Variants in SPEM2 observed in about 807,000 individuals in gnomAD.
SPEM2 encodes the protein SPEM family member 2, also known as uncharacterized protein SPEM2.
A neutral mutation model predicts 9.3 loss-of-function variants in SPEM2; 15 were observed. The ratio of observed to expected loss-of-function variants is 1.62; its 90% confidence interval spans 1.08 to 2.50. SPEM2 has a LOEUF of 2.50. Ranked by LOEUF, SPEM2 falls within the 30% of genes most tolerant of loss-of-function variation. SPEM2 has a pLI of 0.00. For missense variants in SPEM2, 678 were observed against 690.0 expected (o/e 0.98, Z 0.19); for synonymous variants, 268 against 272.4 (o/e 0.98, Z 0.16).
chr17:7,426,962 C>G lies in SPEM2; in HGVS notation c.971C>G (p.Pro324Arg), dbSNP rs751726895. The G allele has an allele frequency of 1.2e-6, 2 of 1,612,154 alleles. No individual in the cohort carries two copies. Among genetic ancestry groups the G allele is most frequent in the Non-Finnish European group, 8.5e-7 (1 of 1,179,842 alleles). Residue 324 changes from proline to arginine, a missense_variant, in exon 3 of 3, where the codon CCC (proline) becomes CGC (arginine). Physicochemically the swap from Pro to Arg is moderately radical, Grantham distance 103 (BLOSUM62 -2). Transcript: ENST00000333870. The surrounding 1 kb of genome is among the most constrained non-coding windows in gnomAD (Gnocchi z 5.3). ...CGTGGCACGGAGGGCTTTGAGCGCCCCCCTGCCTCGGTGTCCCGGAACGCC... is the reference window on the plus strand; with the variant it reads ...CGTGGCACGGAGGGCTTTGAGCGCCGCCCTGCCTCGGTGTCCCGGAACGCC... ...RRRGTEGFER[P>R]PASVSRNARP...
rs753658255 is a variant in SPEM2, at chr17:7,426,092, C to T, written c.196+42C>T. ...GAGAGGTAGGGGACCCCCATCCCCACCCCTGACAATGGCCCTAGAAACCCA... is the reference window on the plus strand; with the variant it reads ...GAGAGGTAGGGGACCCCCATCCCCATCCCTGACAATGGCCCTAGAAACCCA... On this transcript the variant is annotated intron_variant, in intron 2 of 2. Coordinates refer to ENST00000333870, the MANE Select transcript of SPEM2 (RefSeq NM_175734.5). This position sits in a 1 kb window ranked among gnomAD's most constrained non-coding sequence, Gnocchi z 5.3. 2 of 1,613,574 alleles carry T rather than the reference C, an allele frequency of 1.2e-6. No individual in the cohort carries two copies. Among genetic ancestry groups the T allele is most frequent in the Non-Finnish European group, 1.7e-6 (2 of 1,179,506 alleles).
Position 7,427,044 on chromosome 17 carries a change from C to A in SPEM2, c.1053C>A (p.Ser351Arg). ...EHHSPQSHQQ[S>R]LLGHAYGQSH... ...ACTCCCCACAGTCCCACCAGCAGAG[C>A]CTGCTTGGTCACGCCTATGGCCAGT... The change falls in exon 3 of 3, where the codon AGC (serine) becomes AGA (arginine). Residue 351 changes from serine (S) to arginine (R), a missense_variant. Physicochemically the swap from Ser to Arg is moderately radical, Grantham distance 110 (BLOSUM62 -1). Transcript: ENST00000333870. This position sits in a 1 kb window ranked among gnomAD's most constrained non-coding sequence, Gnocchi z 5.4. 1 of 1,612,398 alleles carries A rather than the reference C, an allele frequency of 6.2e-7. No individual in the cohort carries two copies. Among genetic ancestry groups the A allele is most frequent in the Non-Finnish European group, 8.5e-7 (1 of 1,179,918 alleles).
chr17:7,426,316 T>C lies in SPEM2; in HGVS notation c.325T>C (p.Cys109Arg), dbSNP rs1907594858. 5.6e-6 allele frequency: 9 copies of C among 1,614,074 alleles called. No homozygotes were observed. The East Asian group carries it at 2.0e-4, about 36-fold the overall frequency. ...SRPTQYSSFS[C>R]HHFSNHHSSS... Reference sequence around the variant, plus strand: ...ACCCACGCAGTACTCCTCTTTCTCCTGCCACCATTTCTCCAACCATCACAG... The same window carrying C: ...ACCCACGCAGTACTCCTCTTTCTCCCGCCACCATTTCTCCAACCATCACAG... Residue 109 changes from cysteine (C) to arginine (R), a missense_variant, in exon 3 of 3, where the codon TGC (cysteine) becomes CGC (arginine). By Grantham distance (180) the Cys-to-Arg change is radical (BLOSUM62 -3). Transcript: ENST00000333870. The surrounding 1 kb of genome is among the most constrained non-coding windows in gnomAD (Gnocchi z 5.3).
At position 7,426,764 on chromosome 17, in the gene SPEM2, A is replaced by G. The variant is rs769334434; in HGVS notation, c.773A>G (p.Tyr258Cys). ...AGGTCTGAGCTGAGGCTGCAGTCCT[A>G]TGGGCGCCACGGTTCCCAATCCCGA... is the stretch of plus-strand genomic sequence containing the variant. ...EARSELRLQS[Y>C]GRHGSQSRLW... is the part of the protein sequence containing the mutation. The change falls in exon 3 of 3, where the codon TAT becomes TGT. Residue 258 changes from tyrosine to cysteine, a missense_variant. Physicochemically the swap from Tyr to Cys is radical, Grantham distance 194. Transcript: ENST00000333870. This position sits in a 1 kb window ranked among gnomAD's most constrained non-coding sequence, Gnocchi z 5.3. 17 of 1,604,656 alleles carry G rather than the reference A, an allele frequency of 1.1e-5. No individual in the cohort carries two copies. Among genetic ancestry groups the G allele is most frequent in the Middle Eastern group, 1.7e-4 (1 of 6,032 alleles).
chr17:7,426,586 CCA>C lies in SPEM2; in HGVS notation c.597_598del (p.Arg200SerfsTer39), dbSNP rs745848075. 2.2e-5 allele frequency: 36 copies of C among 1,614,036 alleles called. No individual in the cohort carries two copies. In the East Asian group the frequency reaches 7.8e-4, roughly 35 times the overall value. On this transcript the variant is annotated frameshift_variant, in exon 3 of 3. Coordinates refer to ENST00000333870, the MANE Select transcript of SPEM2 (RefSeq NM_175734.5). LOFTEE classifies it low-confidence loss of function (END_TRUNC). This position sits in a 1 kb window ranked among gnomAD's most constrained non-coding sequence, Gnocchi z 5.3. The part of the protein sequence containing the change: ...DNLPFPYPKY[P>X]RRGWGGFYQR... ...CCTGCCCTTCCCGTATCCCAAGTACCCACGTCGCGGCTGGGGCGGGTTTTATC... is the reference window on the plus strand; with the variant it reads ...CCTGCCCTTCCCGTATCCCAAGTACCCGTCGCGGCTGGGGCGGGTTTTATC...
Position 7,426,697 on chromosome 17 carries a change from C to T in SPEM2, c.706C>T (p.Leu236=). The T allele has an allele frequency of 6.2e-7, 1 of 1,614,008 alleles. No individual in the cohort carries two copies. Among genetic ancestry groups the T allele is most frequent in the Non-Finnish European group, 8.5e-7 (1 of 1,179,990 alleles). ...CAGTCTGCCACCACCCTCTCTCTAC[C>T]TGTCACCTGAGCTGCGCTGCATGCC... ...LASLPPPSLY[L]SPELRCMPKR... Residue 236 remains leucine (L), a synonymous_variant, in exon 3 of 3, where the codon CTG becomes TTG. Coordinates refer to ENST00000333870, the MANE Select transcript of SPEM2 (RefSeq NM_175734.5). The surrounding 1 kb of genome is among the most constrained non-coding windows in gnomAD (Gnocchi z 5.3).
At position 7,426,413 on chromosome 17, in the gene SPEM2, A is replaced by G; in HGVS notation, c.422A>G (p.His141Arg). The G allele has an allele frequency of 1.2e-6, 2 of 1,613,430 alleles. No individual in the cohort carries two copies. The highest frequency in any genetic ancestry group is 2.2e-5 in the South Asian group (2 of 91,068). The change falls in exon 3 of 3, where the codon CAC becomes CGC. Residue 141 changes from histidine (H) to arginine (R), a missense_variant. By Grantham distance (29) the His-to-Arg change is conservative. Coordinates refer to ENST00000333870, the MANE Select transcript of SPEM2 (RefSeq NM_175734.5). This position sits in a 1 kb window ranked among gnomAD's most constrained non-coding sequence, Gnocchi z 5.3. ...CGTTGTCGCCGTCGCTGCTGCAACC[A>G]CCAGCAGCGGCCGCAGAACTACAGA... ...HRRCRRRCCN[H>R]QQRPQNYRQI...
Position 7,427,168 on chromosome 17 carries a change from C to G in SPEM2, c.1177C>G (p.Pro393Ala). The change falls in exon 3 of 3, where the codon CCC becomes GCC. Residue 393 changes from proline to alanine, a missense_variant. Coordinates refer to ENST00000333870, the MANE Select transcript of SPEM2 (RefSeq NM_175734.5). This position sits in a 1 kb window ranked among gnomAD's most constrained non-coding sequence, Gnocchi z 5.4. ...RRAADWAEAL[P>A]AWRPLTTSAS... ...GGCAGCTGACTGGGCTGAGGCTCTG[C>G]CCGCCTGGCGTCCTCTGACTACCTC... 1 of 1,613,940 alleles carries G rather than the reference C, an allele frequency of 6.2e-7. No individual in the cohort carries two copies. The highest frequency in any genetic ancestry group is 1.3e-5 in the African/African-American group (1 of 75,058).
rs2150824966 is a variant in SPEM2 at position 7,426,674 on chromosome 17, G to C, written c.683G>C (p.Ser228Thr). The stretch of plus-strand genomic sequence containing the variant: ...GGCCACCAGGGTGGTATCCTGGCCA[G>C]TCTGCCACCACCCTCTCTCTACCTG... ...LWGHQGGILA[S>T]LPPPSLYLSP... is the part of the protein sequence containing the mutation. The change falls in exon 3 of 3, where the codon AGT (serine) becomes ACT (threonine). Residue 228 changes from serine to threonine, a missense_variant. By Grantham distance (58) the Ser-to-Thr change is moderately conservative. Coordinates refer to ENST00000333870, the MANE Select transcript of SPEM2 (RefSeq NM_175734.5). This position sits in a 1 kb window ranked among gnomAD's most constrained non-coding sequence, Gnocchi z 5.3. 1 of 1,614,022 alleles carries C rather than the reference G, an allele frequency of 6.2e-7. No individual in the cohort carries two copies. Among genetic ancestry groups the C allele is most frequent in the East Asian group, 2.2e-5 (1 of 44,876 alleles).
In SPEM2 at chr17:7,426,079, A is replaced by G; in HGVS notation, c.196+29A>G. Reference sequence around the variant, plus strand: ...AGTGTGGCTGCTGGAGAGGTAGGGGACCCCCATCCCCACCCCTGACAATGG... The same window carrying G: ...AGTGTGGCTGCTGGAGAGGTAGGGGGCCCCCATCCCCACCCCTGACAATGG... On this transcript the variant is annotated intron_variant, in intron 2 of 2. Coordinates refer to ENST00000333870, the MANE Select transcript of SPEM2 (RefSeq NM_175734.5). The surrounding 1 kb of genome is among the most constrained non-coding windows in gnomAD (Gnocchi z 5.3). 6.2e-7 allele frequency: 1 copy of G among 1,613,432 alleles called. No individual in the cohort carries two copies. The highest frequency in any genetic ancestry group is 8.5e-7 in the Non-Finnish European group (1 of 1,179,794).
At position 7,426,037 on chromosome 17, in the gene SPEM2, G is replaced by A. The variant is rs1303625945; in HGVS notation, c.183G>A (p.Trp61Ter). ...ACGCCTTAGACAAGATGATTGATTGGGCTACTCAGAAAAGTAAGTGTGGCT... is the reference window on the plus strand; with the variant it reads ...ACGCCTTAGACAAGATGATTGATTGAGCTACTCAGAAAAGTAAGTGTGGCT... ...LQNALDKMIDWATQKNEIQAS... is the reference protein window; with the variant it reads ...LQNALDKMID Residue 61 changes from tryptophan to a stop codon, truncating the protein, a stop_gained, in exon 2 of 3, where the codon TGG becomes TGA. Transcript: ENST00000333870. LOFTEE classifies it low-confidence loss of function (END_TRUNC). This position sits in a 1 kb window ranked among gnomAD's most constrained non-coding sequence, Gnocchi z 5.3. 6.2e-7 allele frequency: 1 copy of A among 1,614,002 alleles called. No individual in the cohort carries two copies. Among genetic ancestry groups the A allele is most frequent in the Non-Finnish European group, 8.5e-7 (1 of 1,180,022 alleles).
Position 7,427,534 on chromosome 17 carries a change from A to T in SPEM2, c.*37A>T, listed in dbSNP as rs772879035. The T allele has an allele frequency of 6.5e-7, 1 of 1,530,200 alleles. No individual in the cohort carries two copies. Among genetic ancestry groups the T allele is most frequent in the Non-Finnish European group, 8.8e-7 (1 of 1,139,376 alleles). 94.8% of individuals were successfully genotyped at this position (1,530,200 alleles called of 1,614,324 possible). A position where few individuals can be genotyped will look rare whatever the true frequency, so the allele number is the denominator to read the frequency against. ...ATGTGGGGTGTGGGGCAGGGCATGG[A>T]GGGAGAGGAATAAAGAGAAACAGAG... is the stretch of plus-strand genomic sequence containing the variant. On this transcript the variant is annotated 3_prime_UTR_variant, in exon 3 of 3. Transcript: ENST00000333870. The surrounding 1 kb of genome is among the most constrained non-coding windows in gnomAD (Gnocchi z 5.4).
At position 7,426,919 on chromosome 17, in the gene SPEM2, T is replaced by C. The variant is rs1252860506; in HGVS notation, c.928T>C (p.Ser310Pro). The C allele has an allele frequency of 6.2e-7, 1 of 1,613,320 alleles. No individual in the cohort carries two copies. Among genetic ancestry groups the C allele is most frequent in the African/African-American group, 1.3e-5 (1 of 75,042 alleles). The change falls in exon 3 of 3, where the codon TCC (serine) becomes CCC (proline). Residue 310 changes from serine (S) to proline (P), a missense_variant. Physicochemically the swap from Ser to Pro is moderately conservative, Grantham distance 74. Coordinates refer to ENST00000333870, the MANE Select transcript of SPEM2 (RefSeq NM_175734.5). This position sits in a 1 kb window ranked among gnomAD's most constrained non-coding sequence, Gnocchi z 5.3. ...CTCAGTGGGCTGGATGCTGTATGAC[T>C]CCTGGGATCAGCGGCGTCGTGGCAC... The part of the protein sequence containing the change: ...YPSVGWMLYD[S>P]WDQRRRGTEG...
rs752521917 is a variant in SPEM2, at chr17:7,426,841, C to T, written c.850C>T (p.His284Tyr). ...GTGGGCCTCGTCTCCACCACCTCCC[C>T]ACCGGCTGCCCCCTAACCCCTCTTG... ...EQWASSPPPPHRLPPNPSWVP... is the reference protein window; with the variant it reads ...EQWASSPPPPYRLPPNPSWVP... Residue 284 changes from histidine (H) to tyrosine (Y), a missense_variant, in exon 3 of 3, where the codon CAC (histidine) becomes TAC (tyrosine). His to Tyr is a moderately conservative substitution (Grantham distance 83). Transcript: ENST00000333870. The surrounding 1 kb of genome is among the most constrained non-coding windows in gnomAD (Gnocchi z 5.3). 2 of 1,610,228 alleles carry T rather than the reference C, an allele frequency of 1.2e-6. No individual in the cohort carries two copies. The highest frequency in any genetic ancestry group is 1.1e-5 in the South Asian group (1 of 90,762).
Position 7,426,364 on chromosome 17 carries a change from C to G in SPEM2, c.373C>G (p.Arg125Gly), listed in dbSNP as rs367658611. 162 of 1,613,706 alleles carry G rather than the reference C, an allele frequency of 1.0e-4. No homozygotes were observed. The highest frequency in any genetic ancestry group is 8.2e-4 in the Middle Eastern group (5 of 6,062). ...HHSSSLLRCVRRRRRRHRRCR... is the reference protein window; with the variant it reads ...HHSSSLLRCVGRRRRRHRRCR... ...CAGTAGCAGTCTTCTTCGCTGTGTTCGTCGCCGCCGCCGCCGCCACCGCCG... is the reference window on the plus strand; with the variant it reads ...CAGTAGCAGTCTTCTTCGCTGTGTTGGTCGCCGCCGCCGCCGCCACCGCCG... Residue 125 changes from arginine to glycine, a missense_variant, in exon 3 of 3, where the codon CGT (arginine) becomes GGT (glycine). By Grantham distance (125) the Arg-to-Gly change is moderately radical. Transcript: ENST00000333870. This position sits in a 1 kb window ranked among gnomAD's most constrained non-coding sequence, Gnocchi z 5.3.
At position 7,425,679 on chromosome 17, in the gene SPEM2, C is replaced by T. The variant is rs774514564; in HGVS notation, c.-10C>T. 6 of 1,612,090 alleles carry T rather than the reference C, an allele frequency of 3.7e-6. No homozygotes were observed. The African/African-American group carries it at 5.3e-5, about 14-fold the overall frequency. ...GGGGGTGGCCCAGGTGGCCCTAGGACCCCCCCTCCATGGAAAACCAGCTAT... is the reference window on the plus strand; with the variant it reads ...GGGGGTGGCCCAGGTGGCCCTAGGATCCCCCCTCCATGGAAAACCAGCTAT... On this transcript the variant is annotated 5_prime_UTR_variant, in exon 1 of 3. Coordinates refer to ENST00000333870, the MANE Select transcript of SPEM2 (RefSeq NM_175734.5).
In SPEM2 at chr17:7,426,473, C is replaced by T. The variant is rs1475314556; in HGVS notation, c.482C>T (p.Pro161Leu). ...CATAGCCACTCAGTCTTCCGTAACC[C>T]ACATCGCAGCCAAAAGATGTCACAA... is the stretch of plus-strand genomic sequence containing the variant. ...IPHSHSVFRN[P>L]HRSQKMSQLH... The change falls in exon 3 of 3, where the codon CCA becomes CTA. Residue 161 changes from proline (P) to leucine (L), a missense_variant. Pro to Leu is a moderately conservative substitution (Grantham distance 98). Transcript: ENST00000333870. This position sits in a 1 kb window ranked among gnomAD's most constrained non-coding sequence, Gnocchi z 5.3. 6.2e-7 allele frequency: 1 copy of T among 1,613,954 alleles called. No homozygotes were observed. The highest frequency in any genetic ancestry group is 1.3e-5 in the African/African-American group (1 of 75,038).
At position 7,426,178 on chromosome 17, in the gene SPEM2, C is replaced by T. The variant is rs376929151; in HGVS notation, c.197-10C>T. 9 of 1,612,790 alleles carry T rather than the reference C, an allele frequency of 5.6e-6. No individual in the cohort carries two copies. The highest frequency in any genetic ancestry group is 1.3e-5 in the African/African-American group (1 of 74,856). On this transcript the variant is annotated splice_polypyrimidine_tract_variant and intron_variant, in intron 2 of 2. Transcript: ENST00000333870. This position sits in a 1 kb window ranked among gnomAD's most constrained non-coding sequence, Gnocchi z 5.3. ...ATTGCCCTGACTTCATGGACTCTTG[C>T]CTTCCCCAGATGAAATTCAGGCCAG...
chr17:7,425,937 G>A (rs1361240415), intron 1 of SPEM2, 56 bp from the exon 2 acceptor site: 7 of 1,612,612 alleles, frequency 4.3e-6, no homozygotes, highest in South Asian at 1.1e-5. Context: ...CGGGGGCAGG[G>A]GTGGTGGTGC....
Sources: allele counts gnomAD v4.1 joint callset, GRCh38; gene constraint gnomAD v4.1.1; non-coding constraint Gnocchi (gnomAD v3.1); transcripts MANE v1.5; gene names NCBI Gene and HGNC (gene_info 2026-07-23, HGNC 2026-07-21).